The following SRRM3 variants were observed in gnomAD, a reference collection of about 807,000 sequenced individuals.
SRRM3 encodes serine/arginine repetitive matrix protein 3.
Under a neutral mutation model 66.2 loss-of-function variants are expected in SRRM3, and 27 were observed. The ratio of observed to expected loss-of-function variants is 0.41; its 90% CI spans 0.30 to 0.56. The LOEUF is 0.56. Ranked by LOEUF, SRRM3 falls within the 20% of genes least tolerant of loss-of-function variation. SRRM3 has a pLI of 0.32. For missense variants in SRRM3, 918 were observed against 991.9 expected, an observed-to-expected ratio of 0.93 and a Z score of 1.00; for synonymous variants, 391 against 414.9, an observed-to-expected ratio of 0.94 and a Z score of 0.70.
intron 1 of SRRM3, among the ~76,000 whole-genome samples, chr7:76,209,054 G>A (rs969236011): frequency 6.6e-6 from 1 of 152,114 alleles, no homozygotes; most frequent in Admixed American, 6.6e-5. Flanking sequence ...AGCTATGATT[G>A]CACCACTATA....
chr7:76,261,369 C>T lies in SRRM3; in HGVS notation c.593C>T (p.Pro198Leu), dbSNP rs1801861247. ...ESECSCGSSSPLRKKKKSVKK... is the reference protein window; with the variant it reads ...ESECSCGSSSLLRKKKKSVKK... ...GTCCACAGCTGTGGGAGCTCCTCACCCCTCCGCAAGAAGAAGAAGAGTGTG... is the reference window on the plus strand; with the variant it reads ...GTCCACAGCTGTGGGAGCTCCTCACTCCTCCGCAAGAAGAAGAAGAGTGTG... The change falls in exon 7 of 15, where the codon CCC becomes CTC. Residue 198 changes from proline to leucine, a missense_variant. Coordinates refer to ENST00000611745, the MANE Select transcript of SRRM3 (RefSeq NM_001110199.3). The T allele has an allele frequency of 6.3e-7, 1 of 1,593,120 alleles. No individual in the cohort carries two copies. The highest frequency in any genetic ancestry group is 8.6e-7 in the Non-Finnish European group (1 of 1,169,540).
intron 1 of SRRM3, among the ~76,000 whole-genome samples, chr7:76,222,054 G>A (rs1171719714): frequency 2.6e-5 from 4 of 152,148 alleles, no homozygotes; most frequent in African/African-American, 7.2e-5. Context: ...CTGGCTGATC[G>A]GCACGGGTCT....
chr7:76,252,286 T>G lies in SRRM3; in HGVS notation c.335+3997T>G, dbSNP rs190283901. ...AAGGGCTGTGTCATTTGCACATGAA[T>G]TCTCAAAGCCAGTTGCTAGATGAAC... On this transcript the variant is annotated intron_variant, in intron 3 of 14. Coordinates refer to ENST00000611745, the MANE Select transcript of SRRM3 (RefSeq NM_001110199.3). Among the ~76,000 whole-genome samples, 5 of 152,252 alleles carry G rather than the reference T, an allele frequency of 3.3e-5. No individual in the cohort carries two copies. The East Asian group carries it at 9.7e-4, about 29-fold the overall frequency.
chr7:76,227,221 C>T (rs192536633), intron 1 of SRRM3, among the ~76,000 whole-genome samples: 1 of 151,988 alleles, frequency 6.6e-6, no homozygotes, highest in Non-Finnish European at 1.5e-5. Flanking sequence ...GTAAAGACTT[C>T]CCATGTGCTG....
chr7:76,242,130 T>C (rs1242657845), intron 2 of SRRM3, among the ~76,000 whole-genome samples: 1 of 152,112 alleles, frequency 6.6e-6, no homozygotes, highest in East Asian at 1.9e-4. Context: ...ATCAGCTCTT[T>C]CCTAAACTAA....
chr7:76,259,971 A>G lies in SRRM3; in HGVS notation c.401A>G (p.Asp134Gly), dbSNP rs782798350. ...GGCCTGGAGTACGCGCCCTTTGACG[A>G]TGACGACGGCCCAGTGGACTGTGAC... ...EPGLEYAPFDDDDGPVDCDCP... is the reference protein window; with the variant it reads ...EPGLEYAPFDGDDGPVDCDCP... Residue 134 changes from aspartate to glycine, a missense_variant, in exon 4 of 15, where the codon GAT becomes GGT. Physicochemically the swap from Asp to Gly is moderately conservative, Grantham distance 94. Coordinates refer to ENST00000611745, the MANE Select transcript of SRRM3 (RefSeq NM_001110199.3). The G allele has an allele frequency of 1.2e-6, 2 of 1,600,712 alleles. No homozygotes were observed. Among genetic ancestry groups the G allele is most frequent in the Non-Finnish European group, 1.7e-6 (2 of 1,179,008 alleles).
rs1226530602 is a variant in SRRM3 at position 76,236,282 on chromosome 7, C to T, written c.233+983C>T. Among the ~76,000 whole-genome samples, 3 of 147,090 alleles carry T rather than the reference C, an allele frequency of 2.0e-5. No individual in the cohort carries two copies. The East Asian group carries it at 6.0e-4, about 29-fold the overall frequency. On this transcript the variant is annotated intron_variant, in intron 2 of 14. Coordinates refer to ENST00000611745, the MANE Select transcript of SRRM3 (RefSeq NM_001110199.3). Reference sequence around the variant, plus strand: ...TGAGATCGAGACATTGCACTCCAGCCTGGGCAACAAGAGCAAAACTCCGTC... The same window carrying T: ...TGAGATCGAGACATTGCACTCCAGCTTGGGCAACAAGAGCAAAACTCCGTC...
At chr7:76,269,675 T>G (rs1554610260) in intron 11 of SRRM3, 1 of 152,122 alleles carries the variant, frequency 6.6e-6, no homozygotes, top group African/African-American at 2.4e-5. Context: ...TGATTCCATT[T>G]CTTGTTTAGC....
intron 14 of SRRM3, 139 bp downstream of exon 14, chr7:76,283,240 A>C (rs376705612): frequency 2.6e-5 from 21 of 810,674 alleles, no homozygotes; most frequent in East Asian, 1.0e-4. Context: ...CTAAGGGACA[A>C]TGAGTGGGTT....
chr7:76,238,179 C>T (rs1236726820), intron 2 of SRRM3, among the ~76,000 whole-genome samples: 1 of 152,208 alleles, frequency 6.6e-6, no homozygotes, highest in Non-Finnish European at 1.5e-5. Flanking sequence ...GAACAAGCCA[C>T]GGTTTACTCA....
chr7:76,247,652 G>A (rs1316041710), intron 2 of SRRM3, among the ~76,000 whole-genome samples: 1 of 152,126 alleles, frequency 6.6e-6, no homozygotes, highest in African/African-American at 2.4e-5. Context: ...TTGTCTGTTT[G>A]TTGGTTATTT....
chr7:76,269,629 G>GT (rs1490070991), intron 11 of SRRM3: 2 of 151,942 alleles, frequency 1.3e-5, no homozygotes, highest in African/African-American at 4.8e-5. Context: ...GTTTTTGTTT[G>GT]TTTTTTAGCC....
chr7:76,259,787 C>A, intron 3 of SRRM3, 119 bp from the exon 4 acceptor site: 1 of 1,511,330 alleles, frequency 6.6e-7, no homozygotes, highest in Admixed American at 1.8e-5. Flanking sequence ...CCCCTCGCCC[C>A]TCCCCCAGCC....
At position 76,228,089 on chromosome 7, in the gene SRRM3, C is replaced by T. The variant is rs188844783; in HGVS notation, c.-39-6939C>T. ...CTGACTATATTGGCTAGGCTGGTCTCGAATTCCTGACCTCAAGTGATCCAC... is the reference window on the plus strand; with the variant it reads ...CTGACTATATTGGCTAGGCTGGTCTTGAATTCCTGACCTCAAGTGATCCAC... On this transcript the variant is annotated intron_variant, in intron 1 of 14. Coordinates refer to ENST00000611745, the MANE Select transcript of SRRM3 (RefSeq NM_001110199.3). Among the ~76,000 whole-genome samples the T allele has an allele frequency of 6.5e-3, 988 of 152,080 alleles. 7 individuals are homozygous for T. Among genetic ancestry groups the T allele is most frequent in the Non-Finnish European group, 0.01 (708 of 67,996 alleles).
At chr7:76,257,231 G>A (rs1370598092) in intron 3 of SRRM3, among the ~76,000 whole-genome samples, 8 of 151,994 alleles carry the variant, frequency 5.3e-5, no homozygotes, top group Non-Finnish European at 1.0e-4. Context: ...ATGCTCTGCC[G>A]ATCCAAGCCC....
intron 1 of SRRM3, among the ~76,000 whole-genome samples, chr7:76,207,361 AGTCT>A (rs1800327291): frequency 6.6e-6 from 1 of 152,134 alleles, no homozygotes; most frequent in Non-Finnish European, 1.5e-5. Flanking sequence ...TCATTGTACA[AGTCT>A]TGGGAAATAC....
chr7:76,277,073 C>T (rs1243186513), intron 11 of SRRM3, among the ~76,000 whole-genome samples: 6 of 152,204 alleles, frequency 3.9e-5, no homozygotes. Flanking sequence ...TTTCCAGTGA[C>T]TATCATCTTG....
At chr7:76,204,849 G>T (rs1188104303) in intron 1 of SRRM3, among the ~76,000 whole-genome samples, 1 of 152,160 alleles carries the variant, frequency 6.6e-6, no homozygotes, top group African/African-American at 2.4e-5. Context: ...AAGGCAGGAG[G>T]ATCCCTTGAG....
chr7:76,238,851 G>C (rs564927662), intron 2 of SRRM3, among the ~76,000 whole-genome samples: 1 of 151,944 alleles, frequency 6.6e-6, no homozygotes, highest in African/African-American at 2.4e-5. Flanking sequence ...TAGTAGAGAC[G>C]GGGTTTCACC....
Sources: gnomAD v4.1 joint callset for allele counts (sites outside exome capture counted in the v4.1 genomes callset) on GRCh38, gnomAD v4.1.1 for gene constraint, MANE v1.5 for transcripts, NCBI Gene and HGNC (gene_info 2026-07-23, HGNC 2026-07-21) for gene names.